The following L3MBTL4 variants were observed in gnomAD, a reference collection of about 807,000 sequenced individuals.
The protein encoded by L3MBTL4 is L3MBTL histone methyl-lysine binding protein 4, also known as lethal(3)malignant brain tumor-like protein 4.
L3MBTL4 carries 70 observed loss-of-function variants against 84.5 expected under a neutral mutation model. The ratio of observed to expected loss-of-function variants is 0.83; its 90% CI spans 0.68 to 1.01. The LOEUF is 1.01. Ranked by LOEUF, L3MBTL4 falls within the 50% of genes least tolerant of loss-of-function variation. L3MBTL4 has a pLI of 0.00. For missense variants in L3MBTL4, 715 were observed against 754.8 expected, an observed-to-expected ratio of 0.95 and a Z score of 0.62; for synonymous variants, 274 against 259.8, an observed-to-expected ratio of 1.05 and a Z score of -0.52.
chr18:5,976,404 G>T (rs2052934362), intron 16 of L3MBTL4, among the ~76,000 whole-genome samples: 1 of 152,184 alleles, frequency 6.6e-6, no homozygotes, highest in Admixed American at 6.5e-5. Context: ...CTGCTGGGAT[G>T]GTGTGTGTCC....
chr18:6,340,372 C>T (rs1241905893), intron 1 of L3MBTL4, among the ~76,000 whole-genome samples: 1 of 152,208 alleles, frequency 6.6e-6, no homozygotes, highest in Non-Finnish European at 1.5e-5. Flanking sequence ...ACCCACATCA[C>T]TTCTCCCCCA....
At chr18:5,959,505 G>T (rs2095251367) in intron 18 of L3MBTL4, among the ~76,000 whole-genome samples, 1 of 152,198 alleles carries the variant, frequency 6.6e-6, no homozygotes, top group Non-Finnish European at 1.5e-5. Context: ...CAGGAAATAT[G>T]CGAAGCAGTT....
chr18:6,339,107 C>T (rs182458286), intron 1 of L3MBTL4, among the ~76,000 whole-genome samples: 15 of 152,274 alleles, frequency 9.9e-5, no homozygotes, highest in South Asian at 4.1e-4. Flanking sequence ...CCGCCCCTTC[C>T]GCCGACCCAA....
chr18:6,007,900 A>T (rs951190394), intron 16 of L3MBTL4, among the ~76,000 whole-genome samples: 3 of 152,130 alleles, frequency 2.0e-5, no homozygotes, highest in African/African-American at 7.2e-5. Flanking sequence ...TGTGTTAAAA[A>T]ACGGTGAGGG....
intron 4 of L3MBTL4, among the ~76,000 whole-genome samples, chr18:6,300,537 A>C (rs2050293495): frequency 6.6e-6 from 1 of 152,240 alleles, no homozygotes; most frequent in Non-Finnish European, 1.5e-5. Context: ...CAAATAAATA[A>C]AACCAAAAAG....
chr18:6,009,549 T>G (rs1339174976), intron 16 of L3MBTL4, among the ~76,000 whole-genome samples: 2 of 152,176 alleles, frequency 1.3e-5, no homozygotes, highest in African/African-American at 4.8e-5. Flanking sequence ...AGGACCCCTT[T>G]GGATACCATT....
chr18:6,381,511 T>G (rs774586098), intron 1 of L3MBTL4, among the ~76,000 whole-genome samples: 3 of 152,256 alleles, frequency 2.0e-5, no homozygotes, highest in Non-Finnish European at 2.9e-5. Flanking sequence ...TCAGGAGCTC[T>G]TGCCAGGCAG....
intron 13 of L3MBTL4, among the ~76,000 whole-genome samples, chr18:6,142,050 ACTT>A (rs1388104741): frequency 6.6e-5 from 10 of 152,324 alleles, no homozygotes; most frequent in Non-Finnish European, 1.3e-4. Flanking sequence ...CCCTTGGATA[ACTT>A]CTTATTATCT....
At chr18:6,137,792 T>TAACTCCAAATGAATA (rs552151953) in intron 14 of L3MBTL4, among the ~76,000 whole-genome samples, 140 of 152,322 alleles carry the variant, frequency 9.2e-4, no homozygotes, top group African/African-American at 3.1e-3. Context: ...TTTATAGAAT[T>TAACTCCAAATGAATA]AACTCCAAAT....
At chr18:5,969,093 G>C (rs1300548787) in intron 17 of L3MBTL4, among the ~76,000 whole-genome samples, 1 of 152,100 alleles carries the variant, frequency 6.6e-6, no homozygotes, top group East Asian at 1.9e-4. Flanking sequence ...GGAATTGGAG[G>C]CTTAAGCCCC....
At chr18:6,400,879 C>T (rs565615977) in intron 1 of L3MBTL4, among the ~76,000 whole-genome samples, 2 of 152,228 alleles carry the variant, frequency 1.3e-5, no homozygotes, top group Non-Finnish European at 2.9e-5. Context: ...AGGTGCTGAC[C>T]ACGGGCAGAG....
chr18:6,323,237 GAACT>G (rs2051519366), intron 1 of L3MBTL4, among the ~76,000 whole-genome samples: 3 of 152,124 alleles, frequency 2.0e-5, no homozygotes, highest in Non-Finnish European at 1.5e-5. Context: ...ATGCAAGAAT[GAACT>G]AACACAGAAA....
intron 16 of L3MBTL4, among the ~76,000 whole-genome samples, chr18:6,044,932 C>G (rs374956502): frequency 2.6e-4 from 39 of 152,174 alleles, no homozygotes; most frequent in African/African-American, 9.4e-4. Context: ...CCCCAGAAGA[C>G]TTACTAAGTG....
intron 16 of L3MBTL4, among the ~76,000 whole-genome samples, chr18:6,033,462 G>C (rs506558): frequency 0.039 from 5,927 of 152,166 alleles, 375 homozygotes; most frequent in African/African-American, 0.14. Flanking sequence ...AGTTTAATCT[G>C]TTTACATCTA....
intron 16 of L3MBTL4, among the ~76,000 whole-genome samples, chr18:6,034,475 A>G (rs901526433): frequency 6.6e-6 from 1 of 151,966 alleles, no homozygotes; most frequent in African/African-American, 2.4e-5. Context: ...AACGACATGA[A>G]CTCATCATTT....
rs763746282 is a variant in L3MBTL4 at position 6,165,424 on chromosome 18, C to A, written c.1096+6404G>T. 2.6e-4 allele frequency among the ~76,000 whole-genome samples: 39 copies of A among 152,206 alleles called. No homozygotes were observed. In the South Asian group the frequency reaches 4.2e-3, roughly 16 times the overall value. On this transcript the variant is annotated intron_variant, in intron 13 of 18. Coordinates refer to ENST00000317931, the MANE Select transcript of L3MBTL4 (RefSeq NM_001330559.2). ...ATGAAGAAAAAAATGGTAAGGGCAGCCAGAGAGAAAGGTCGGGTTACCCAC... is the reference window on the plus strand; with the variant it reads ...ATGAAGAAAAAAATGGTAAGGGCAGACAGAGAGAAAGGTCGGGTTACCCAC...
intron 10 of L3MBTL4, among the ~76,000 whole-genome samples, chr18:6,224,137 T>A (rs2046677338): frequency 6.6e-6 from 1 of 151,896 alleles, no homozygotes; most frequent in African/African-American, 2.4e-5. Flanking sequence ...AAAACTAATA[T>A]GAAGACATAA....
chr18:6,119,168 A>C (rs1458302828), intron 14 of L3MBTL4, among the ~76,000 whole-genome samples: 2 of 148,744 alleles, frequency 1.3e-5, no homozygotes, highest in Non-Finnish European at 3.0e-5. Flanking sequence ...AAGAGAGAGC[A>C]CTGGTTTATT....
At chr18:5,956,869 C>A (rs1393121499) in intron 18 of L3MBTL4, among the ~76,000 whole-genome samples, 2 of 151,774 alleles carry the variant, frequency 1.3e-5, no homozygotes, top group Non-Finnish European at 2.9e-5. Context: ...ACTATGCAGT[C>A]ACCCAAAATC....
Sources: gnomAD v4.1 joint callset for allele counts (sites outside exome capture counted in the v4.1 genomes callset) on GRCh38, gnomAD v4.1.1 for gene constraint, MANE v1.5 for transcripts, NCBI Gene and HGNC (gene_info 2026-07-23, HGNC 2026-07-21) for gene names.